Variants in PGM5 observed in about 807,000 individuals in gnomAD.
The protein encoded by PGM5 is phosphoglucomutase 5.
Under a neutral mutation model 59.2 loss-of-function variants are expected in PGM5, and 23 were observed. The observed-to-expected ratio is 0.39, with a 90% CI of 0.28 to 0.55. The LOEUF (loss-of-function observed/expected upper bound fraction) is 0.55, where lower values mean the gene tolerates loss of function less well. Ranked by LOEUF, PGM5 falls within the 20% of genes least tolerant of loss-of-function variation. PGM5 has a pLI of 0.66. For missense variants in PGM5, 574 were observed against 748.3 expected (o/e 0.77, Z 2.72); for synonymous variants, 214 against 286.0 (o/e 0.75, Z 2.54).
chr9:68,495,662 G>A (rs1824471261), intron 9 of PGM5, among the ~76,000 whole-genome samples: 1 of 152,180 alleles, frequency 6.6e-6, no homozygotes, highest in Non-Finnish European at 1.5e-5. Context: ...AGGAGTAGGT[G>A]GTGAGAGGTA....
In PGM5 at chr9:68,427,527, G is replaced by A. The variant is rs185069422; in HGVS notation, c.1043+35054G>A. ...AGCATCATAAGGCCACCTGCTGTGG[G>A]CATGAATGCTGGGGAGGGTGGGGTC... On this transcript the variant is annotated intron_variant, in intron 6 of 10. Coordinates refer to ENST00000396396, the MANE Select transcript of PGM5 (RefSeq NM_021965.4). 3.2e-4 allele frequency among the ~76,000 whole-genome samples: 48 copies of A among 152,292 alleles called. 1 individual carries two copies. The East Asian group carries it at 4.8e-3, about 15-fold the overall frequency.
intron 6 of PGM5, among the ~76,000 whole-genome samples, chr9:68,421,244 G>A (rs1268405949): frequency 6.6e-6 from 1 of 152,188 alleles, no homozygotes; most frequent in Non-Finnish European, 1.5e-5. Context: ...CCTCTGCCTA[G>A]GGCCTGCTTC....
chr9:68,495,900 A>G lies in PGM5; in HGVS notation c.1480-3327A>G, dbSNP rs572788257. Reference sequence around the variant, plus strand: ...TGCCTTATACCAGGGGTCAGCAAACATTTTCTGTAAAGGGCTAGGTAGTAA... The same window carrying G: ...TGCCTTATACCAGGGGTCAGCAAACGTTTTCTGTAAAGGGCTAGGTAGTAA... On this transcript the variant is annotated intron_variant, in intron 9 of 10. Coordinates refer to ENST00000396396, the MANE Select transcript of PGM5 (RefSeq NM_021965.4). Among the ~76,000 whole-genome samples, 12 of 152,268 alleles carry G rather than the reference A, an allele frequency of 7.9e-5. No individual in the cohort carries two copies. The East Asian group carries it at 2.3e-3, about 29-fold the overall frequency.
chr9:68,460,580 C>A lies in PGM5; in HGVS notation c.1044-4513C>A, dbSNP rs1409014562. Among the ~76,000 whole-genome samples the A allele has an allele frequency of 3.3e-5, 5 of 152,068 alleles. No homozygotes were observed. The East Asian group carries it at 7.7e-4, about 23-fold the overall frequency. ...TCACTAATTCATACCTGGAGAAATT[C>A]TTTTTTCTCAAAGTGACTAATTTAG... On this transcript the variant is annotated intron_variant, in intron 6 of 10. Coordinates refer to ENST00000396396, the MANE Select transcript of PGM5 (RefSeq NM_021965.4).
At chr9:68,447,564 G>C (rs59478866) in intron 6 of PGM5, among the ~76,000 whole-genome samples, 11,354 of 152,168 alleles carry the variant, frequency 0.075, 662 homozygotes, top group African/African-American at 0.16. Flanking sequence ...TCCTTTTATA[G>C]TGTTTAGCAC....
chr9:68,469,670 T>C (rs1403917013), intron 7 of PGM5, among the ~76,000 whole-genome samples: 1 of 152,208 alleles, frequency 6.6e-6, no homozygotes, highest in Admixed American at 6.5e-5. Context: ...GCCAATATTG[T>C]AAATGCCCTG....
chr9:68,404,516 A>T (rs1391984028), intron 6 of PGM5, among the ~76,000 whole-genome samples: 1 of 152,336 alleles, frequency 6.6e-6, no homozygotes, highest in South Asian at 2.1e-4. Context: ...AGTAAATAAT[A>T]TGTTAGCAAT....
At chr9:68,418,442 A>G (rs1470279264) in intron 6 of PGM5, among the ~76,000 whole-genome samples, 1 of 152,084 alleles carries the variant, frequency 6.6e-6, no homozygotes, top group African/African-American at 2.4e-5. Context: ...CAGACCTTTT[A>G]GTTAACACCC....
At chr9:68,410,980 A>G (rs2132038696) in intron 6 of PGM5, among the ~76,000 whole-genome samples, 1 of 152,308 alleles carries the variant, frequency 6.6e-6, no homozygotes, top group East Asian at 1.9e-4. Context: ...TCCTCATGGA[A>G]AGGCCCCAGC....
chr9:68,359,029 T>C (rs2482650), intron 1 of PGM5, among the ~76,000 whole-genome samples: 17 of 151,528 alleles, frequency 1.1e-4, no homozygotes, highest in East Asian at 9.7e-4. Flanking sequence ...CTCTCATACT[T>C]CTTCCCGAGC....
intron 6 of PGM5, among the ~76,000 whole-genome samples, chr9:68,464,029 A>T (rs1353172420): frequency 2.0e-5 from 3 of 152,190 alleles, no homozygotes; most frequent in African/African-American, 7.2e-5. Flanking sequence ...TATTTATGAG[A>T]TTCATTCAAA....
chr9:68,490,380 C>T (rs1185344844), intron 9 of PGM5, among the ~76,000 whole-genome samples: 1 of 152,220 alleles, frequency 6.6e-6, no homozygotes, highest in South Asian at 2.1e-4. Flanking sequence ...CGGAGTCTCG[C>T]TCTGTCACCA....
Position 68,384,526 on chromosome 9 carries a change from A to G in PGM5, c.553A>G (p.Lys185Glu). The change falls in exon 3 of 11, where the codon AAA becomes GAA. Residue 185 changes from lysine to glutamate, a missense_variant. This residue lies in a region of PGM5 where 103 missense variants were observed against 112.4 expected (regional missense o/e 0.92). Coordinates refer to ENST00000396396, the MANE Select transcript of PGM5 (RefSeq NM_021965.4). ...AAGACAAGAATTTGACCTAGAAAAC[A>G]AATTCAAACCATTCAGAGGTAACAG... ...LGRQEFDLEN[K>E]FKPFRVEIVD... The G allele has an allele frequency of 1.2e-6, 2 of 1,610,460 alleles. No individual in the cohort carries two copies. The highest frequency in any genetic ancestry group is 1.7e-6 in the Non-Finnish European group (2 of 1,177,392).
intron 6 of PGM5, chr9:68,393,955 A>G (rs1458488803): frequency 1.3e-5 from 2 of 152,216 alleles, no homozygotes; most frequent in African/African-American, 4.8e-5. Context: ...ATACTGACAC[A>G]TGCAGTGGGT....
At chr9:68,431,359 T>C (rs1180879130) in intron 6 of PGM5, among the ~76,000 whole-genome samples, 2 of 152,108 alleles carry the variant, frequency 1.3e-5, no homozygotes, top group Admixed American at 6.6e-5. Flanking sequence ...CAAGTTGGGG[T>C]AGACAAAGAA....
At chr9:68,376,475 C>CTGTGTGTGTGTGTGTGTGTGTG (rs71353047) in intron 1 of PGM5, among the ~76,000 whole-genome samples, 1 of 129,570 alleles carries the variant, frequency 7.7e-6, no homozygotes, top group Admixed American at 7.8e-5. Flanking sequence ...TGCTTTTGAG[C>CTGTGTGTGTGTGTGTGTGTGTG]TGTGTGTGTG....
chr9:68,497,658 C>T (rs1554688285), intron 9 of PGM5: 1 of 152,046 alleles, frequency 6.6e-6, no homozygotes, highest in African/African-American at 2.4e-5. Flanking sequence ...GGACTTGAGG[C>T]CAGAGAAATT....
intron 2 of PGM5, among the ~76,000 whole-genome samples, chr9:68,380,370 C>G (rs429811): frequency 0.017 from 2,506 of 151,494 alleles, 77 homozygotes; most frequent in African/African-American, 0.057. Context: ...AAGAAATCAA[C>G]AGGGAAATTA....
At chr9:68,506,212 T>G (rs1420956950) in intron 10 of PGM5, among the ~76,000 whole-genome samples, 1 of 152,336 alleles carries the variant, frequency 6.6e-6, no homozygotes, top group East Asian at 1.9e-4. Flanking sequence ...TTGTGACAAG[T>G]AGCTGAGTCT....
Sources: allele counts gnomAD v4.1 joint callset (sites outside exome capture counted in the v4.1 genomes callset), GRCh38; gene constraint gnomAD v4.1.1; regional missense constraint gnomAD v4.1.1; transcripts MANE v1.5; gene names NCBI Gene and HGNC (gene_info 2026-07-23, HGNC 2026-07-21).